Variants in OR2T33 observed in about 807,000 individuals in gnomAD.
OR2T33 encodes olfactory receptor family 2 subfamily T member 33.
A neutral mutation model predicts 14.0 loss-of-function variants in OR2T33; 10 were observed. The ratio of observed to expected loss-of-function variants is 0.72; its 90% CI spans 0.44 to 1.22. OR2T33 has a LOEUF of 1.22. OR2T33 is among the 50% of genes most tolerant of loss of function. The probability of loss-of-function intolerance (pLI) is 0.00; values close to 1 mark genes in which losing one functional copy is unlikely to be tolerated. For missense variants in OR2T33, 276 were observed against 405.9 expected (o/e 0.68, Z 2.75); for synonymous variants, 103 against 159.4 (o/e 0.65, Z 2.66).
chr1:248,276,357 A>G (rs1659447215), intron 1 of OR2T33, among the ~76,000 whole-genome samples: 1 of 152,218 alleles, frequency 6.6e-6, no homozygotes, highest in South Asian at 2.1e-4. Flanking sequence ...TTTTAATGTC[A>G]TATTGCACAC....
At chr1:248,275,659 G>T (rs1290282167) in intron 1 of OR2T33, among the ~76,000 whole-genome samples, 13 of 151,740 alleles carry the variant, frequency 8.6e-5, no homozygotes, top group Admixed American at 8.5e-4. Flanking sequence ...TAATGAACCT[G>T]CATGTTTGGC....
chr1:248,276,692 C>T (rs1300000211), intron 1 of OR2T33, among the ~76,000 whole-genome samples: 3 of 152,010 alleles, frequency 2.0e-5, no homozygotes, highest in African/African-American at 7.2e-5. Context: ...AATAAATAAA[C>T]CAGCATCATC....
At position 248,272,294 on chromosome 1, in the gene OR2T33, C is replaced by CA. The variant is rs905118166; in HGVS notation, c.*557dup. The CA allele has an allele frequency of 3.3e-5, 5 of 152,082 alleles. No individual in the cohort carries two copies. The highest frequency in any genetic ancestry group is 3.9e-4 in the East Asian group (2 of 5,184). The allele number at this position is 152,082 out of a possible 1,614,324, so 9.4% of individuals were successfully genotyped here. A position where few individuals can be genotyped will look rare whatever the true frequency, so the allele number is the denominator to read the frequency against. On this transcript the variant is annotated 3_prime_UTR_variant, in exon 2 of 2. Transcript: ENST00000641220. The stretch of plus-strand genomic sequence containing the variant: ...CACCAAATAGACTGTTGAAAAAATA[C>CA]AAAAAAATTGTGGCAATATAGCAGT...
chr1:248,276,127 C>G (rs1659444119), intron 1 of OR2T33, among the ~76,000 whole-genome samples: 1 of 152,086 alleles, frequency 6.6e-6, no homozygotes, highest in Admixed American at 6.6e-5. Flanking sequence ...ATAGATCCCT[C>G]ACACGTGCAG....
rs1659380993 is a variant in OR2T33, at chr1:248,272,223, T to A, written c.*629A>T. On this transcript the variant is annotated 3_prime_UTR_variant, in exon 2 of 2. Transcript: ENST00000641220. Reference sequence around the variant, plus strand: ...TACAATGAGGCCCTGGAAAAAAAAATACTTAAATGAAAGGTTACATAAATT... The same window carrying A: ...TACAATGAGGCCCTGGAAAAAAAAAAACTTAAATGAAAGGTTACATAAATT... The A allele has an allele frequency of 6.6e-6, 1 of 151,964 alleles. No homozygotes were observed. Among genetic ancestry groups the A allele is most frequent in the Non-Finnish European group, 1.5e-5 (1 of 67,980 alleles). The allele number at this position is 151,964 out of a possible 1,614,324, so 9.4% of individuals were successfully genotyped here.
chr1:248,276,579 C>T (rs1160510986), intron 1 of OR2T33, among the ~76,000 whole-genome samples: 1 of 152,060 alleles, frequency 6.6e-6, no homozygotes, highest in Non-Finnish European at 1.5e-5. Flanking sequence ...AATGGTTATA[C>T]TTATTCAAAA....
At chr1:248,275,162 C>T (rs1307023985) in intron 1 of OR2T33, among the ~76,000 whole-genome samples, 3 of 152,186 alleles carry the variant, frequency 2.0e-5, no homozygotes, top group Non-Finnish European at 2.9e-5. Context: ...CACAGATGGT[C>T]TCATTCAGGG....
intron 1 of OR2T33, among the ~76,000 whole-genome samples, chr1:248,274,425 A>G (rs1442513176): frequency 6.6e-6 from 1 of 152,106 alleles, no homozygotes; most frequent in Non-Finnish European, 1.5e-5. Flanking sequence ...CCCACTACAT[A>G]CCTTCTTAGT....
At chr1:248,274,433 A>G (rs183190632) in intron 1 of OR2T33, among the ~76,000 whole-genome samples, 1 of 152,300 alleles carries the variant, frequency 6.6e-6, no homozygotes, top group East Asian at 1.9e-4. Flanking sequence ...ATACCTTCTT[A>G]GTTGTCTTAC....
chr1:248,272,499 C>A lies in OR2T33; in HGVS notation c.*353G>T. The stretch of plus-strand genomic sequence containing the variant: ...AAATAAACTATTCCAGGTTAAGGAA[C>A]AAGCTCTGGAGTCACTTCTTATTAT... On this transcript the variant is annotated 3_prime_UTR_variant, in exon 2 of 2. Transcript: ENST00000641220. The A allele has an allele frequency of 4.8e-6, 1 of 210,060 alleles. No homozygotes were observed. Among genetic ancestry groups the A allele is most frequent in the Non-Finnish European group, 9.5e-6 (1 of 104,764 alleles). 13.0% of individuals were successfully genotyped at this position (210,060 alleles called of 1,614,324 possible). A position where few individuals can be genotyped will look rare whatever the true frequency, so the allele number is the denominator to read the frequency against.
intron 1 of OR2T33, among the ~76,000 whole-genome samples, chr1:248,276,312 T>C (rs1022241424): frequency 6.6e-6 from 1 of 152,186 alleles, no homozygotes; most frequent in African/African-American, 2.4e-5. Flanking sequence ...AGAAATTACA[T>C]GATTTTTGCA....
At chr1:248,275,751 A>G (rs531516947) in intron 1 of OR2T33, among the ~76,000 whole-genome samples, 4 of 148,750 alleles carry the variant, frequency 2.7e-5, no homozygotes, top group African/African-American at 7.4e-5. Flanking sequence ...AAAAAAAATC[A>G]CCTGTGTCTA....
In OR2T33 at chr1:248,271,508, C is replaced by T. The variant is rs554637723; in HGVS notation, c.*1344G>A. On this transcript the variant is annotated 3_prime_UTR_variant, in exon 2 of 2. Coordinates refer to ENST00000641220, the MANE Select transcript of OR2T33 (RefSeq NM_001004695.2). ...GAGAAAAGAGTTACTGAATAACCTT[C>T]TCTTGAGACATAGGCTCAGGATCTG... The T allele has an allele frequency of 6.9e-4, 105 of 152,306 alleles. No homozygotes were observed. Among genetic ancestry groups the T allele is most frequent in the African/African-American group, 2.5e-3 (103 of 41,572 alleles). The allele number at this position is 152,306 out of a possible 1,614,324, so 9.4% of individuals were successfully genotyped here.
In OR2T33 at chr1:248,270,864, GA is replaced by G. The variant is rs1659361843; in HGVS notation, c.*1987del. 6.6e-6 allele frequency: 1 copy of G among 151,708 alleles called. No individual in the cohort carries two copies. The highest frequency in any genetic ancestry group is 2.1e-4 in the South Asian group (1 of 4,804). The allele number at this position is 151,708 out of a possible 1,614,324, so 9.4% of individuals were successfully genotyped here. On this transcript the variant is annotated 3_prime_UTR_variant, in exon 2 of 2. Coordinates refer to ENST00000641220, the MANE Select transcript of OR2T33 (RefSeq NM_001004695.2). ...AACAAACAGGCTAGCCAAAAAGCAG[GA>G]AAAAATATTTATAGTACAGATGTTT... is the stretch of plus-strand genomic sequence containing the variant.
chr1:248,270,900 C>G lies in OR2T33; in HGVS notation c.*1952G>C, dbSNP rs1290991170. The G allele has an allele frequency of 6.6e-6, 1 of 151,908 alleles. No homozygotes were observed. Among genetic ancestry groups the G allele is most frequent in the Admixed American group, 6.6e-5 (1 of 15,230 alleles). The allele number at this position is 151,908 out of a possible 1,614,324, so 9.4% of individuals were successfully genotyped here. ...TATAGTACAGATGTTTGACAAAATA[C>G]TTTTGTCCAGAATAAATAAAAAATT... On this transcript the variant is annotated 3_prime_UTR_variant, in exon 2 of 2. Transcript: ENST00000641220.
At position 248,277,824 on chromosome 1, in the gene OR2T33, G is replaced by T. The variant is rs1659464056; in HGVS notation, c.-68C>A. The T allele has an allele frequency of 6.6e-6, 1 of 152,106 alleles. No homozygotes were observed. The highest frequency in any genetic ancestry group is 2.4e-5 in the African/African-American group (1 of 41,414). 9.4% of individuals were successfully genotyped at this position (152,106 alleles called of 1,614,324 possible). A position where few individuals can be genotyped will look rare whatever the true frequency, so the allele number is the denominator to read the frequency against. ...TATATGGGACTGAATCTTTCTGATG[G>T]TTTGAGTACAAATGTTTGCTTAATC... On this transcript the variant is annotated 5_prime_UTR_variant, in exon 1 of 2. Coordinates refer to ENST00000641220, the MANE Select transcript of OR2T33 (RefSeq NM_001004695.2).
rs1201167223 is a variant in OR2T33 at position 248,271,347 on chromosome 1, G to A, written c.*1505C>T. Reference sequence around the variant, plus strand: ...ATTCTAAGAGAAGATTTTTTTAGATGGTATAAATGACAGAATTTGTGCAGT... The same window carrying A: ...ATTCTAAGAGAAGATTTTTTTAGATAGTATAAATGACAGAATTTGTGCAGT... On this transcript the variant is annotated 3_prime_UTR_variant, in exon 2 of 2. Coordinates refer to ENST00000641220, the MANE Select transcript of OR2T33 (RefSeq NM_001004695.2). 1.3e-5 allele frequency: 2 copies of A among 152,024 alleles called. No individual in the cohort carries two copies. The highest frequency in any genetic ancestry group is 4.8e-5 in the African/African-American group (2 of 41,398). The allele number at this position is 152,024 out of a possible 1,614,324, so 9.4% of individuals were successfully genotyped here.
chr1:248,273,181 T>G lies in OR2T33; in HGVS notation c.634A>C (p.Ile212Leu), dbSNP rs1659399042. Residue 212 changes from isoleucine (I) to leucine (L), a missense_variant, in exon 2 of 2, where the codon ATC (isoleucine) becomes CTC (leucine). By Grantham distance (5) the Ile-to-Leu change is conservative. Coordinates refer to ENST00000641220, the MANE Select transcript of OR2T33 (RefSeq NM_001004695.2). ...AGGATGAGACCATAGGAGGACAGGA[T>G]GAGGGAAAAGGGGACCAGGAGCATT... is the stretch of plus-strand genomic sequence containing the variant. Reference protein sequence around the residue: ...VLMLLVPFSLILSSYGLILAA... With the variant: ...VLMLLVPFSLLLSSYGLILAA... The G allele has an allele frequency of 4.4e-6, 7 of 1,608,982 alleles. No homozygotes were observed. The highest frequency in any genetic ancestry group is 5.9e-6 in the Non-Finnish European group (7 of 1,178,126).
At chr1:248,274,641 A>G (rs958375780) in intron 1 of OR2T33, among the ~76,000 whole-genome samples, 15 of 152,214 alleles carry the variant, frequency 9.9e-5, no homozygotes, top group African/African-American at 3.6e-4. Flanking sequence ...GAAGCATGAG[A>G]GAATCTTTGA....
Sources: allele counts gnomAD v4.1 joint callset (sites outside exome capture counted in the v4.1 genomes callset), GRCh38; gene constraint gnomAD v4.1.1; transcripts MANE v1.5; gene names NCBI Gene and HGNC (gene_info 2026-07-23, HGNC 2026-07-21).